The following RNF216 variants were observed in gnomAD, a reference collection of about 807,000 sequenced individuals.
RNF216 encodes the protein ring finger protein 216.
A neutral mutation model predicts 110.8 loss-of-function variants in RNF216; 72 were observed. The ratio of observed to expected loss-of-function variants is 0.65; its 90% CI spans 0.54 to 0.79. The LOEUF (loss-of-function observed/expected upper bound fraction) is 0.79. RNF216 is among the 30% of genes least tolerant of loss of function. The pLI, the probability that RNF216 is intolerant of heterozygous loss-of-function variation, is 0.00. For missense variants in RNF216, 1,342 were observed against 1,141.2 expected (o/e 1.18, Z -2.54); for synonymous variants, 495 against 407.5 (o/e 1.21, Z -2.59).
chr7:5,725,578 C>T lies in RNF216; in HGVS notation c.1390-140G>A, dbSNP rs1461619594. 6.1e-5 allele frequency: 38 copies of T among 619,182 alleles called. No individual in the cohort carries two copies. The Middle Eastern group carries it at 7.6e-4, about 12-fold the overall frequency. 38.4% of individuals were successfully genotyped at this position (619,182 alleles called of 1,614,324 possible). On this transcript the variant is annotated intron_variant, in intron 7 of 16. Transcript: ENST00000389902. ...AACAATTGGTAGTGGCAGCTGGGTGCGGTGGCTGACGCCTGTAATCCCAAC... is the reference window on the plus strand; with the variant it reads ...AACAATTGGTAGTGGCAGCTGGGTGTGGTGGCTGACGCCTGTAATCCCAAC...
intron 13 of RNF216, among the ~76,000 whole-genome samples, chr7:5,700,487 T>C (rs1351203676): frequency 2.0e-5 from 3 of 152,268 alleles, no homozygotes; most frequent in Non-Finnish European, 4.4e-5. Flanking sequence ...GTCATTAAAT[T>C]ATTTTAGTAA....
At chr7:5,754,003 A>G (rs898673842) in intron 2 of RNF216, among the ~76,000 whole-genome samples, 7 of 152,136 alleles carry the variant, frequency 4.6e-5, no homozygotes, top group South Asian at 2.1e-4. Flanking sequence ...TCAAATTTTA[A>G]AAAAAATGCA....
At chr7:5,659,706 G>C (rs148416898) in intron 13 of RNF216, among the ~76,000 whole-genome samples, 1 of 152,088 alleles carries the variant, frequency 6.6e-6, no homozygotes, top group Non-Finnish European at 1.5e-5. Flanking sequence ...GAACAGGCTC[G>C]GAGTGTGGAT....
At chr7:5,735,454 T>C (rs1370758098) in intron 5 of RNF216, among the ~76,000 whole-genome samples, 1 of 151,942 alleles carries the variant, frequency 6.6e-6, no homozygotes, top group Admixed American at 6.6e-5. Flanking sequence ...AAAAAAAGAT[T>C]AAAAATATAG....
At chr7:5,645,191 ACT>A (rs1002714393) in intron 14 of RNF216, among the ~76,000 whole-genome samples, 1 of 151,730 alleles carries the variant, frequency 6.6e-6, no homozygotes, top group Non-Finnish European at 1.5e-5. Flanking sequence ...GAACAGTTTG[ACT>A]CTGATGTGTC....
chr7:5,641,230 T>C lies in RNF216; in HGVS notation c.2306A>G (p.His769Arg). Reference protein sequence around the residue: ...LCRVSINGYDHFCQHPRSPGA... With the variant: ...LCRVSINGYDRFCQHPRSPGA... The stretch of plus-strand genomic sequence containing the variant: ...TGGTGAGCGGGGATGTTGGCAGAAA[T>C]GGTCATATCCATTAATAGAAACTCG... Residue 769 changes from histidine to arginine, a missense_variant, in exon 15 of 17, where the codon CAT (histidine) becomes CGT (arginine). Transcript: ENST00000389902. 6.2e-7 allele frequency: 1 copy of C among 1,614,112 alleles called. No homozygotes were observed. The highest frequency in any genetic ancestry group is 8.5e-7 in the Non-Finnish European group (1 of 1,180,010).
At chr7:5,679,200 T>C (rs944468735) in intron 13 of RNF216, among the ~76,000 whole-genome samples, 6 of 151,500 alleles carry the variant, frequency 4.0e-5, no homozygotes, top group Non-Finnish European at 7.4e-5. Context: ...GGGGTGGTGG[T>C]GGTGCGGTGG....
intron 15 of RNF216, among the ~76,000 whole-genome samples, chr7:5,626,965 G>A (rs1786746014): frequency 6.6e-6 from 1 of 152,102 alleles, no homozygotes; most frequent in Admixed American, 6.5e-5. Context: ...TCTTTCAGGG[G>A]TCCTCACTCT....
At chr7:5,779,580 C>T (rs1796962419) in intron 1 of RNF216, among the ~76,000 whole-genome samples, 1 of 151,262 alleles carries the variant, frequency 6.6e-6, no homozygotes, top group Admixed American at 6.6e-5. Context: ...TGGCTAAAGC[C>T]TGTAATTCTT....
intron 1 of RNF216, among the ~76,000 whole-genome samples, chr7:5,778,822 C>A (rs540945511): frequency 3.3e-5 from 5 of 152,236 alleles, no homozygotes; most frequent in Non-Finnish European, 7.3e-5. Context: ...CGGATCACTG[C>A]AACCTCCGCC....
chr7:5,714,300 C>T (rs938782590), intron 11 of RNF216, among the ~76,000 whole-genome samples: 1 of 150,328 alleles, frequency 6.7e-6, no homozygotes, highest in Non-Finnish European at 1.5e-5. Context: ...CTCTTGTTGC[C>T]CAGGCTGGAG....
chr7:5,663,139 C>T (rs868134062), intron 13 of RNF216, among the ~76,000 whole-genome samples: 1 of 152,148 alleles, frequency 6.6e-6, no homozygotes, highest in African/African-American at 2.4e-5. Context: ...TTAGCTTATG[C>T]GTTGTTACTG....
chr7:5,688,464 C>G (rs1791121946), intron 13 of RNF216, among the ~76,000 whole-genome samples: 1 of 152,194 alleles, frequency 6.6e-6, no homozygotes, highest in Non-Finnish European at 1.5e-5. Context: ...AAGAAGAACA[C>G]ATACTGAATG....
intron 13 of RNF216, among the ~76,000 whole-genome samples, chr7:5,694,870 T>C (rs950502861): frequency 2.0e-5 from 3 of 152,236 alleles, no homozygotes; most frequent in Non-Finnish European, 2.9e-5. Context: ...TGTTTTGATT[T>C]TGAACATTTA....
intron 14 of RNF216, among the ~76,000 whole-genome samples, chr7:5,642,039 AAAAAAAG>A (rs1255678648): frequency 3.0e-4 from 44 of 146,218 alleles, no homozygotes; most frequent in Non-Finnish European, 5.2e-4. Flanking sequence ...TCTTAAAAAA[AAAAAAAG>A]AAAAAAAAAA....
chr7:5,714,812 G>A lies in RNF216; in HGVS notation c.1833+241C>T, dbSNP rs749146208. ...TCTGAATACAAATAAGATGATGAAC[G>A]AAGGAGGTGCTCCTCTGCGGCTAGG... On this transcript the variant is annotated intron_variant, in intron 11 of 16. Transcript: ENST00000389902. Among the ~76,000 whole-genome samples, 67 of 152,264 alleles carry A rather than the reference G, an allele frequency of 4.4e-4. 1 individual carries two copies. The highest frequency in any genetic ancestry group is 6.8e-4 in the Non-Finnish European group (46 of 68,030).
chr7:5,754,091 T>C (rs1399011019), intron 2 of RNF216, among the ~76,000 whole-genome samples: 1 of 151,620 alleles, frequency 6.6e-6, no homozygotes, highest in African/African-American at 2.4e-5. Flanking sequence ...AATTCTTCCA[T>C]TAAAGCTGTA....
At chr7:5,657,051 C>T (rs1788790524) in intron 13 of RNF216, among the ~76,000 whole-genome samples, 1 of 152,222 alleles carries the variant, frequency 6.6e-6, no homozygotes, top group African/African-American at 2.4e-5. Context: ...AGGTGTCCGT[C>T]CCCATGCGTG....
chr7:5,692,385 G>C (rs1436720248), intron 13 of RNF216, among the ~76,000 whole-genome samples: 2 of 152,180 alleles, frequency 1.3e-5, no homozygotes, highest in African/African-American at 2.4e-5. Flanking sequence ...TAGCAACGCC[G>C]GGTGAATCAG....
Sources: gnomAD v4.1 joint callset for allele counts (sites outside exome capture counted in the v4.1 genomes callset) on GRCh38, gnomAD v4.1.1 for gene constraint, MANE v1.5 for transcripts, NCBI Gene and HGNC (gene_info 2026-07-23, HGNC 2026-07-21) for gene names.